AP3S2: variants seen among roughly 807,000 people sequenced by gnomAD.
The protein encoded by AP3S2 is adaptor related protein complex 3 subunit sigma 2.
Under a neutral mutation model 23.4 loss-of-function variants are expected in AP3S2, and 22 were observed. That is an observed-to-expected ratio of 0.94 (90% CI 0.67 to 1.34). The LOEUF is 1.34. Among genes scored for constraint, AP3S2 ranks in the 40% most tolerant of loss-of-function variants. AP3S2 has a pLI of 0.00. For synonymous variants in AP3S2, 86 were observed against 87.1 expected (o/e 0.99, Z 0.07); for missense variants, 241 against 236.9 (o/e 1.02, Z -0.11).
chr15:89,844,885 TC>T (rs976862884), intron 4 of AP3S2, among the ~76,000 whole-genome samples: 1 of 152,084 alleles, frequency 6.6e-6, no homozygotes, highest in Non-Finnish European at 1.5e-5. Flanking sequence ...AAAGCATTCC[TC>T]TTACTTTTCA....
At chr15:89,875,236 C>A (rs184857938) in intron 3 of AP3S2, among the ~76,000 whole-genome samples, 67 of 152,284 alleles carry the variant, frequency 4.4e-4, no homozygotes, top group Non-Finnish European at 6.6e-4. Context: ...TGCAGCAGCA[C>A]CATCCCAAAA....
chr15:89,879,033 G>A (rs898232189), intron 3 of AP3S2, among the ~76,000 whole-genome samples: 19 of 152,174 alleles, frequency 1.2e-4, no homozygotes, highest in Admixed American at 8.5e-4. Flanking sequence ...GGCGTGGGCC[G>A]CCGCACCCAG....
rs1895146329 is a variant in AP3S2, at chr15:89,834,570, T to G, written c.*945A>C. 1 of 152,198 alleles carries G rather than the reference T, an allele frequency of 6.6e-6. No individual in the cohort carries two copies. The highest frequency in any genetic ancestry group is 2.1e-4 in the South Asian group (1 of 4,834). 9.4% of individuals were successfully genotyped at this position (152,198 alleles called of 1,614,324 possible). A position where few individuals can be genotyped will look rare whatever the true frequency, so the allele number is the denominator to read the frequency against. On this transcript the variant is annotated 3_prime_UTR_variant, in exon 6 of 6. Transcript: ENST00000336418. ...TAGGACAATGCGGGAAGCATATTCT[T>G]CATGAGGCGGTAACCAAAAGGCTTG... is the stretch of plus-strand genomic sequence containing the variant.
chr15:89,864,963 C>G (rs896941104), intron 4 of AP3S2, among the ~76,000 whole-genome samples: 1 of 152,092 alleles, frequency 6.6e-6, no homozygotes, highest in African/African-American at 2.4e-5. Flanking sequence ...AGATGCTCAT[C>G]TTCATAAGAA....
chr15:89,892,884 T>A (rs1400884220), intron 1 of AP3S2, among the ~76,000 whole-genome samples: 2 of 152,210 alleles, frequency 1.3e-5, no homozygotes, highest in Non-Finnish European at 2.9e-5. Context: ...CAGGATGGTC[T>A]CCATCTCCTG....
chr15:89,875,813 G>A (rs899111092), intron 3 of AP3S2, among the ~76,000 whole-genome samples: 8 of 152,166 alleles, frequency 5.3e-5, no homozygotes, highest in African/African-American at 1.9e-4. Context: ...GCCAGGCGTG[G>A]TGGTGTGTGC....
intron 4 of AP3S2, among the ~76,000 whole-genome samples, chr15:89,847,225 A>G (rs1895515318): frequency 6.6e-6 from 1 of 151,742 alleles, no homozygotes; most frequent in Non-Finnish European, 1.5e-5. Context: ...AAAAAAAAAA[A>G]GTTTAAAAAC....
intron 4 of AP3S2, chr15:89,845,670 A>T (rs1895469975): frequency 6.6e-6 from 1 of 152,244 alleles, no homozygotes; most frequent in African/African-American, 2.4e-5. Flanking sequence ...ACACTGACAG[A>T]TAAAGTCACA....
chr15:89,870,000 C>A (rs1357224328), intron 4 of AP3S2, among the ~76,000 whole-genome samples: 1 of 152,128 alleles, frequency 6.6e-6, no homozygotes, highest in Non-Finnish European at 1.5e-5. Context: ...CTCAGCCTCC[C>A]AAAGTGCTGG....
At chr15:89,844,514 T>C (rs1895439300) in intron 4 of AP3S2, among the ~76,000 whole-genome samples, 1 of 151,724 alleles carries the variant, frequency 6.6e-6, no homozygotes, top group East Asian at 1.9e-4. Context: ...TTTTTCTTTT[T>C]TTTTTTAATT....
intron 4 of AP3S2, among the ~76,000 whole-genome samples, chr15:89,846,816 G>A (rs2141845304): frequency 6.6e-6 from 1 of 152,044 alleles, no homozygotes; most frequent in African/African-American, 2.4e-5. Flanking sequence ...ATGAGCAACT[G>A]CGCCCAGCAC....
intron 3 of AP3S2, among the ~76,000 whole-genome samples, chr15:89,874,463 G>A (rs1896395398): frequency 6.6e-6 from 1 of 152,062 alleles, no homozygotes; most frequent in Non-Finnish European, 1.5e-5. Context: ...TCATTGTAAA[G>A]CTTTGTTAAC....
intron 3 of AP3S2, among the ~76,000 whole-genome samples, chr15:89,874,896 AAG>A (rs1424818869): frequency 6.6e-6 from 1 of 152,214 alleles, no homozygotes; most frequent in South Asian, 2.1e-4. Context: ...TTTTAAAAAT[AAG>A]AGTCGTATTT....
chr15:89,868,474 G>A (rs1257387802), intron 4 of AP3S2, among the ~76,000 whole-genome samples: 15 of 92,762 alleles, frequency 1.6e-4, no homozygotes, highest in South Asian at 4.7e-4. Flanking sequence ...TGGGAAGTGA[G>A]GAGCCCCTCT....
At chr15:89,853,651 T>C (rs1398216230) in intron 4 of AP3S2, among the ~76,000 whole-genome samples, 2 of 130,510 alleles carry the variant, frequency 1.5e-5, no homozygotes, top group Non-Finnish European at 3.2e-5. Context: ...CGCCATCCCA[T>C]CTAGGAAGTG....
At chr15:89,849,468 G>A (rs1394319135) in intron 4 of AP3S2, among the ~76,000 whole-genome samples, 1 of 152,048 alleles carries the variant, frequency 6.6e-6, no homozygotes, top group Non-Finnish European at 1.5e-5. Context: ...CCAGGTCCAA[G>A]TGATTCTCTT....
chr15:89,893,835 A>G (rs144837296), intron 1 of AP3S2, 46 bp downstream of exon 1: 5 of 1,548,324 alleles, frequency 3.2e-6, no homozygotes, highest in African/African-American at 2.7e-5. Context: ...GAGGGAAGAC[A>G]TAGTGGGCGC....
chr15:89,855,680 C>A (rs2141858425), intron 4 of AP3S2, among the ~76,000 whole-genome samples: 2 of 123,860 alleles, frequency 1.6e-5, no homozygotes, highest in East Asian at 4.5e-4. Flanking sequence ...GAAACCCCGT[C>A]TCTACTAAAA....
At chr15:89,886,826 A>C (rs1359522524) in intron 3 of AP3S2, among the ~76,000 whole-genome samples, 1 of 151,906 alleles carries the variant, frequency 6.6e-6, no homozygotes, top group South Asian at 2.1e-4. Context: ...ACAGGGTCTC[A>C]CTCTGTTGCC....
Sources: allele counts gnomAD v4.1 joint callset (sites outside exome capture counted in the v4.1 genomes callset), GRCh38; gene constraint gnomAD v4.1.1; transcripts MANE v1.5; gene names NCBI Gene and HGNC (gene_info 2026-07-23, HGNC 2026-07-21).